SGMS1: variants seen among roughly 807,000 people sequenced by gnomAD.
SGMS1 encodes the protein sphingomyelin synthase 1.
Under a neutral mutation model 46.2 loss-of-function variants are expected in SGMS1, and 13 were observed. That is an observed-to-expected ratio of 0.28 (90% CI 0.18 to 0.45). The LOEUF is 0.45. Among genes scored for constraint, SGMS1 ranks in the 20% least tolerant of loss-of-function variants. The pLI, the probability that SGMS1 is intolerant of heterozygous loss-of-function variation, is 1.00. For missense variants in SGMS1, 324 were observed against 519.9 expected, an observed-to-expected ratio of 0.62 and a Z score of 3.66; for synonymous variants, 203 against 187.8, an observed-to-expected ratio of 1.08 and a Z score of -0.66.
At chr10:50,339,344 C>A (rs931324861) in intron 7 of SGMS1, among the ~76,000 whole-genome samples, 1 of 152,200 alleles carries the variant, frequency 6.6e-6, no homozygotes, top group Admixed American at 6.5e-5. Context: ...TCTCCTGCAT[C>A]AACTACTCTT....
At chr10:50,344,849 C>T (rs1054467415) in intron 6 of SGMS1, among the ~76,000 whole-genome samples, 10 of 150,950 alleles carry the variant, frequency 6.6e-5, no homozygotes, top group Admixed American at 2.0e-4. Context: ...CCAGCCTGGG[C>T]GACAGAGCGA....
At chr10:50,396,228 T>C (rs896234183) in intron 6 of SGMS1, among the ~76,000 whole-genome samples, 1 of 152,136 alleles carries the variant, frequency 6.6e-6, no homozygotes, top group Non-Finnish European at 1.5e-5. Flanking sequence ...CCCACCCCTC[T>C]AGAGGTCCAA....
intron 3 of SGMS1, among the ~76,000 whole-genome samples, chr10:50,503,036 T>C (rs527277949): frequency 3.2e-4 from 48 of 152,284 alleles, no homozygotes; most frequent in Non-Finnish European, 5.7e-4. Context: ...CAAAGAATCA[T>C]TTTCTCCAAC....
intron 1 of SGMS1, among the ~76,000 whole-genome samples, chr10:50,609,521 G>GTATTT (rs1554795897): frequency 8.5e-6 from 1 of 117,046 alleles, no homozygotes; most frequent in African/African-American, 3.2e-5. Flanking sequence ...CTTCTCAATA[G>GTATTT]TTTTTTTTTT....
At chr10:50,317,802 C>T (rs202246727) in intron 8 of SGMS1, among the ~76,000 whole-genome samples, 18 of 133,550 alleles carry the variant, frequency 1.3e-4, no homozygotes, top group African/African-American at 4.2e-4. Flanking sequence ...TTATTTCTTT[C>T]TTTTTTTTTT....
At chr10:50,412,840 G>A (rs1257733748) in intron 6 of SGMS1, among the ~76,000 whole-genome samples, 2 of 152,154 alleles carry the variant, frequency 1.3e-5, no homozygotes, top group African/African-American at 4.8e-5. Flanking sequence ...AGAAATAGAT[G>A]ACTCTTGTTT....
chr10:50,576,793 A>G (rs1427940231), intron 2 of SGMS1, among the ~76,000 whole-genome samples: 1 of 152,224 alleles, frequency 6.6e-6, no homozygotes, highest in Non-Finnish European at 1.5e-5. Context: ...CTGCCAATAG[A>G]AGTGTGTTAA....
At chr10:50,311,558 T>A in intron 8 of SGMS1, 143 bp from the exon 9 acceptor site, 2 of 315,756 alleles carry the variant, frequency 6.3e-6, no homozygotes, top group South Asian at 3.0e-5. Context: ...ACTCAGTGTT[T>A]ACCATTCCAA....
chr10:50,388,128 A>C (rs768351301), intron 6 of SGMS1, among the ~76,000 whole-genome samples: 44 of 152,286 alleles, frequency 2.9e-4, no homozygotes, highest in Non-Finnish European at 5.4e-4. Flanking sequence ...ATATGTACAT[A>C]TTTGGTAATA....
At chr10:50,609,114 A>G (rs533302293) in intron 1 of SGMS1, among the ~76,000 whole-genome samples, 11 of 152,016 alleles carry the variant, frequency 7.2e-5, no homozygotes, top group Admixed American at 2.0e-4. Flanking sequence ...TCTCCCTGGT[A>G]TCTGGGACTA....
intron 5 of SGMS1, among the ~76,000 whole-genome samples, chr10:50,447,072 A>G (rs1488449581): frequency 2.6e-5 from 4 of 152,218 alleles, no homozygotes; most frequent in Non-Finnish European, 5.9e-5. Flanking sequence ...GTCTTTGAAC[A>G]TTTGTTCCAA....
intron 3 of SGMS1, among the ~76,000 whole-genome samples, chr10:50,490,413 C>T (rs1837557636): frequency 1.3e-5 from 2 of 152,082 alleles, no homozygotes; most frequent in South Asian, 4.2e-4. Context: ...TTTAGACGGC[C>T]CAGTCATCAG....
rs543336507 is a variant in SGMS1 at position 50,568,477 on chromosome 10, G to T, written c.-589+21676C>A. ...CACTATGTCTAAGCCCATCCCTTCA[G>T]AATTCCCATCATTCCCATCCAATTC... On this transcript the variant is annotated intron_variant, in intron 2 of 10. Coordinates refer to ENST00000361781, the MANE Select transcript of SGMS1 (RefSeq NM_147156.4). Among the ~76,000 whole-genome samples the T allele has an allele frequency of 4.9e-4, 75 of 152,250 alleles. No individual in the cohort carries two copies. In the South Asian group the frequency reaches 0.015, roughly 30 times the overall value.
rs71471395 is a variant in SGMS1 at position 50,502,306 on chromosome 10, G to GAAAA, written c.-498+17521_-498+17524dup. On this transcript the variant is annotated intron_variant, in intron 3 of 10. Transcript: ENST00000361781. ...CAAAGATGATTTACAAATGAGGAAA[G>GAAAA]AAAAAAAAAAAAAAAAACCAGCACA... is the stretch of plus-strand genomic sequence containing the variant. 6.1e-5 allele frequency among the ~76,000 whole-genome samples: 8 copies of GAAAA among 130,994 alleles called. 1 individual carries two copies. The highest frequency in any genetic ancestry group is 1.6e-4 in the Admixed American group (2 of 12,696). The allele number at this position is 130,994 out of a possible 152,430, so 85.9% of individuals were successfully genotyped here.
chr10:50,439,992 G>A (rs1849520416), intron 5 of SGMS1, among the ~76,000 whole-genome samples: 1 of 152,130 alleles, frequency 6.6e-6, no homozygotes, highest in Non-Finnish European at 1.5e-5. Context: ...AGCAAATGAT[G>A]CTTACTAATA....
At chr10:50,342,440 G>A (rs1299636694) in intron 7 of SGMS1, 1 of 152,114 alleles carries the variant, frequency 6.6e-6, no homozygotes, top group Non-Finnish European at 1.5e-5. Flanking sequence ...CCATCCCTGG[G>A]AAAGTGTCAG....
chr10:50,601,717 G>T (rs552451326), intron 1 of SGMS1, among the ~76,000 whole-genome samples: 22 of 152,288 alleles, frequency 1.4e-4, no homozygotes, highest in African/African-American at 5.3e-4. Flanking sequence ...ATGTAGTACA[G>T]GTTGGATACC....
At chr10:50,549,654 A>G (rs1036994530) in intron 2 of SGMS1, among the ~76,000 whole-genome samples, 1 of 152,198 alleles carries the variant, frequency 6.6e-6, no homozygotes, top group African/African-American at 2.4e-5. Flanking sequence ...ACGTTTACCT[A>G]TGTAACAAAT....
chr10:50,317,128 G>A (rs908157687), intron 8 of SGMS1, among the ~76,000 whole-genome samples: 1 of 152,138 alleles, frequency 6.6e-6, no homozygotes, highest in African/African-American at 2.4e-5. Flanking sequence ...CAGAATTATT[G>A]TAAGTTATGA....
Sources: allele counts gnomAD v4.1 joint callset (sites outside exome capture counted in the v4.1 genomes callset), GRCh38; gene constraint gnomAD v4.1.1; transcripts MANE v1.5; gene names NCBI Gene and HGNC (gene_info 2026-07-23, HGNC 2026-07-21).